LRRK1: variants seen among roughly 807,000 people sequenced by gnomAD.
LRRK1 encodes leucine rich repeat kinase 1, also known as leucine-rich repeat serine/threonine-protein kinase 1.
In LRRK1, 113 loss-of-function variants were observed where a neutral mutation model predicts 209.1. The observed-to-expected ratio is 0.54, with a 90% CI of 0.46 to 0.63. The LOEUF is 0.63. Among genes scored for constraint, LRRK1 ranks in the 30% least tolerant of loss-of-function variants. The pLI, the probability that LRRK1 is intolerant of heterozygous loss-of-function variation, is 0.00. For synonymous variants in LRRK1, 1,144 were observed against 1,099.7 expected (o/e 1.04, Z -0.80); for missense variants, 2,284 against 2,632.2 (o/e 0.87, Z 2.89).
chr15:101,055,097 C>A lies in LRRK1; in HGVS notation c.4206C>A (p.His1402Gln), dbSNP rs1379599094. The stretch of plus-strand genomic sequence containing the variant: ...TGTGGTCCCTTGACGTCAAGGAGCA[C>A]ATCAACATCAAGCTATCTGACTACG... ...ILVWSLDVKE[H>Q]INIKLSDYGI... Residue 1402 changes from histidine (H) to glutamine (Q), a missense_variant, in exon 27 of 34, where the codon CAC becomes CAA. Around this residue, in one of 6 missense-constraint regions of LRRK1, gnomAD observed 780 missense variants for 985.2 expected, o/e 0.79. Coordinates refer to ENST00000388948, the MANE Select transcript of LRRK1 (RefSeq NM_024652.6). 1 of 1,614,150 alleles carries A rather than the reference C, an allele frequency of 6.2e-7. No homozygotes were observed. Among genetic ancestry groups the A allele is most frequent in the African/African-American group, 1.3e-5 (1 of 75,044 alleles).
At chr15:100,992,788 C>T (rs2032216117) in intron 6 of LRRK1, among the ~76,000 whole-genome samples, 1 of 152,140 alleles carries the variant, frequency 6.6e-6, no homozygotes. Flanking sequence ...CCTGCCTCAG[C>T]CTCCCAAGTA....
intron 2 of LRRK1, among the ~76,000 whole-genome samples, chr15:100,962,823 A>ATATATATATT: frequency 1.7e-4 from 2 of 11,544 alleles, no homozygotes; most frequent in African/African-American, 5.1e-4. Context: ...ATATATATAT[A>ATATATATATT]TTTTTTTTTT....
chr15:101,062,324 C>A, intron 30 of LRRK1: 3 of 386,508 alleles, frequency 7.8e-6, no homozygotes, highest in Non-Finnish European at 1.4e-5. Context: ...CCCCCAGATC[C>A]CAATGTTGGT....
At chr15:101,030,499 G>A (rs776766422) in intron 20 of LRRK1, among the ~76,000 whole-genome samples, 3 of 152,126 alleles carry the variant, frequency 2.0e-5, no homozygotes, top group African/African-American at 7.2e-5. Context: ...AGTCTGGCAC[G>A]GTGACTGACA....
In LRRK1 at chr15:101,027,781, C is replaced by A; in HGVS notation, c.2670C>A (p.Tyr890Ter). ...EQTPDNDIKD[Y>*]EDLQSAISFL... ...CGCCCGACAACGACATCAAGGACTA[C>A]GAGGACCTGCAGTCAGGTGGGTGGG... is the stretch of plus-strand genomic sequence containing the variant. The change falls in exon 19 of 34, where the codon TAC becomes TAA. Residue 890 changes from tyrosine to a stop codon, truncating the protein, a stop_gained. Coordinates refer to ENST00000388948, the MANE Select transcript of LRRK1 (RefSeq NM_024652.6). LOFTEE classifies it high-confidence loss of function. This position sits in a 1 kb window ranked among gnomAD's most constrained non-coding sequence, Gnocchi z 5.1. 1.3e-6 allele frequency: 2 copies of A among 1,587,826 alleles called. No individual in the cohort carries two copies. The highest frequency in any genetic ancestry group is 1.1e-5 in the South Asian group (1 of 87,276).
chr15:101,020,990 T>A, intron 12 of LRRK1, 63 bp from the exon 13 acceptor site: 1 of 1,598,888 alleles, frequency 6.3e-7, no homozygotes, highest in South Asian at 1.1e-5. Context: ...GCCCACCTGG[T>A]CACCACGCTG....
chr15:101,007,050 T>A (rs1352466080), intron 6 of LRRK1, among the ~76,000 whole-genome samples: 1 of 152,202 alleles, frequency 6.6e-6, no homozygotes, highest in Non-Finnish European at 1.5e-5. Flanking sequence ...ATTCCTCTGG[T>A]TCAAAGACCG....
In LRRK1 at chr15:101,048,500, GA is replaced by G; in HGVS notation, c.3146del (p.Asn1049ThrfsTer30). On this transcript the variant is annotated frameshift_variant, in exon 22 of 34. Coordinates refer to ENST00000388948, the MANE Select transcript of LRRK1 (RefSeq NM_024652.6). LOFTEE classifies it high-confidence loss of function. ...SLAEMDLQLF[E>X]NKKNTKSRNR... ...TCTTTTCTCTGTCTTTCAGCTTTTT[GA>G]AAACAAGAAGAATACTAAAAGCAGG... The G allele has an allele frequency of 6.2e-7, 1 of 1,600,752 alleles. No homozygotes were observed. The highest frequency in any genetic ancestry group is 8.5e-7 in the Non-Finnish European group (1 of 1,175,890).
intron 28 of LRRK1, among the ~76,000 whole-genome samples, 193 bp from the exon 29 acceptor site, chr15:101,057,797 C>A (rs1444632902): frequency 6.6e-6 from 1 of 152,190 alleles, no homozygotes; most frequent in African/African-American, 2.4e-5. Flanking sequence ...TTGCCGTAGC[C>A]AAAGGTGACC....
At chr15:101,050,275 ACCG>A (rs1424334059) in intron 23 of LRRK1, among the ~76,000 whole-genome samples, 1 of 152,024 alleles carries the variant, frequency 6.6e-6, no homozygotes, top group Non-Finnish European at 1.5e-5. Flanking sequence ...AACCACTAAC[ACCG>A]CCCTTCTCAG....
chr15:100,977,187 G>GAGA (rs1555463243), intron 3 of LRRK1, among the ~76,000 whole-genome samples: 1 of 142,712 alleles, frequency 7.0e-6, no homozygotes, highest in African/African-American at 2.6e-5. Flanking sequence ...CTGGCACAGA[G>GAGA]AAAAAAAAAA....
chr15:100,975,341 C>A (rs1190145128), intron 3 of LRRK1, among the ~76,000 whole-genome samples: 1 of 152,188 alleles, frequency 6.6e-6, no homozygotes, highest in African/African-American at 2.4e-5. Context: ...GGAAGATGAT[C>A]ATGGAGAGAC....
At chr15:101,018,469 T>C (rs1392837245) in intron 12 of LRRK1, among the ~76,000 whole-genome samples, 1 of 152,098 alleles carries the variant, frequency 6.6e-6, no homozygotes, top group Non-Finnish European at 1.5e-5. Flanking sequence ...CAGGAGCTAG[T>C]GTAGACCTCG....
rs776507369 is a variant in LRRK1, at chr15:101,058,013, G to A, written c.4551G>A (p.Val1517=). The change falls in exon 29 of 34, where the codon GTG becomes GTA. Residue 1517 remains valine, a synonymous_variant. Transcript: ENST00000388948. ...PEKRPLALSV[V]SQMKDPTFAT... ...AGCGACCGCTGGCCCTGTCGGTGGT[G>A]AGCCAGATGAAGGACCCGACTTTTG... 4.3e-6 allele frequency: 7 copies of A among 1,614,084 alleles called. No homozygotes were observed. The highest frequency in any genetic ancestry group is 3.3e-5 in the Admixed American group (2 of 60,010).
chr15:100,960,933 G>A (rs953006557), intron 2 of LRRK1, among the ~76,000 whole-genome samples: 1 of 152,086 alleles, frequency 6.6e-6, no homozygotes, highest in Non-Finnish European at 1.5e-5. Context: ...TCATGTTTTC[G>A]TTCCCACATT....
chr15:101,067,369 G>C (rs2141166719), intron 33 of LRRK1: 1 of 450,070 alleles, frequency 2.2e-6, no homozygotes, highest in African/African-American at 2.0e-5. Context: ...CCCGCACTTT[G>C]ACTACCGAGC....
At chr15:101,033,112 T>C (rs963074628) in intron 20 of LRRK1, among the ~76,000 whole-genome samples, 2 of 152,216 alleles carry the variant, frequency 1.3e-5, no homozygotes, top group Non-Finnish European at 2.9e-5. Flanking sequence ...TTTTCCAGTC[T>C]CTAGAGCTGC....
intron 10 of LRRK1, among the ~76,000 whole-genome samples, chr15:101,012,674 G>A (rs1054590946): frequency 2.3e-4 from 35 of 151,992 alleles, no homozygotes; most frequent in Non-Finnish European, 3.4e-4. Flanking sequence ...TTCAGCCCCC[G>A]GTCCTGCCAG....
rs2037014793 is a variant in LRRK1 at position 101,077,152 on chromosome 15, G to A, written c.*8304G>A. 1.4e-5 allele frequency: 2 copies of A among 138,622 alleles called. No individual in the cohort carries two copies. Among genetic ancestry groups the A allele is most frequent in the African/African-American group, 5.1e-5 (2 of 39,234 alleles). 8.6% of individuals were successfully genotyped at this position (138,622 alleles called of 1,614,324 possible). On this transcript the variant is annotated 3_prime_UTR_variant, in exon 34 of 34. Transcript: ENST00000388948. Reference sequence around the variant, plus strand: ...ACCACTTTCCCTTCTCAGAATTCAGGCCTGTCCTTGGAATGCTACAAGGTA... The same window carrying A: ...ACCACTTTCCCTTCTCAGAATTCAGACCTGTCCTTGGAATGCTACAAGGTA...
Sources: gnomAD v4.1 joint callset for allele counts (sites outside exome capture counted in the v4.1 genomes callset) on GRCh38, gnomAD v4.1.1 for gene constraint, gnomAD v4.1.1 regional missense constraint, Gnocchi (gnomAD v3.1) non-coding constraint, MANE v1.5 for transcripts, NCBI Gene and HGNC (gene_info 2026-07-23, HGNC 2026-07-21) for gene names.